SUMF1: variants seen among roughly 807,000 people sequenced by gnomAD.
SUMF1 encodes the protein sulfatase modifying factor 1.
A neutral mutation model predicts 47.6 loss-of-function variants in SUMF1; 48 were observed. That is an observed-to-expected ratio of 1.01 (90% CI 0.80 to 1.28). SUMF1 has a LOEUF of 1.28. Among genes scored for constraint, SUMF1 ranks in the 50% most tolerant of loss-of-function variants. The pLI, the probability that SUMF1 is intolerant of heterozygous loss-of-function variation, is 0.00. For missense variants in SUMF1, 571 were observed against 485.4 expected, an observed-to-expected ratio of 1.18 and a Z score of -1.66; for synonymous variants, 230 against 192.1, an observed-to-expected ratio of 1.20 and a Z score of -1.63.
intron 8 of SUMF1, among the ~76,000 whole-genome samples, chr3:4,327,011 C>T (rs1404199012): frequency 2.0e-5 from 3 of 152,090 alleles, no homozygotes; most frequent in African/African-American, 7.2e-5. Flanking sequence ...GTTAAGAATA[C>T]TTACAAATAG....
At chr3:4,392,741 G>C (rs1200527449) in intron 7 of SUMF1, among the ~76,000 whole-genome samples, 1 of 150,390 alleles carries the variant, frequency 6.6e-6, no homozygotes, top group Non-Finnish European at 1.5e-5. Flanking sequence ...TTTTTGTTCT[G>C]TTTTGTTTTG....
At chr3:4,262,724 C>T (rs1697112735) in intron 8 of SUMF1, among the ~76,000 whole-genome samples, 1 of 152,170 alleles carries the variant, frequency 6.6e-6, no homozygotes, top group Non-Finnish European at 1.5e-5. Flanking sequence ...TCCCAAAAGC[C>T]TGGCTGACCA....
At chr3:4,156,044 C>T (rs1694445548) in intron 8 of SUMF1, among the ~76,000 whole-genome samples, 1 of 151,442 alleles carries the variant, frequency 6.6e-6, no homozygotes, top group Non-Finnish European at 1.5e-5. Flanking sequence ...AAACCTTGCA[C>T]ACCAGAGTAC....
At chr3:4,144,681 G>T (rs1243101745) in intron 8 of SUMF1, among the ~76,000 whole-genome samples, 5 of 152,054 alleles carry the variant, frequency 3.3e-5, no homozygotes, top group Admixed American at 3.3e-4. Flanking sequence ...TCTGAGACTT[G>T]TAACTAATAT....
chr3:4,298,192 C>T (rs1187163974), intron 8 of SUMF1, among the ~76,000 whole-genome samples: 2 of 152,028 alleles, frequency 1.3e-5, no homozygotes, highest in Admixed American at 6.6e-5. Flanking sequence ...TACATTTTTC[C>T]CCACCATCTA....
intron 8 of SUMF1, among the ~76,000 whole-genome samples, chr3:4,234,197 C>T (rs1025489406): frequency 1.3e-5 from 2 of 151,960 alleles, no homozygotes; most frequent in African/African-American, 4.8e-5. Context: ...CTTTCTGACC[C>T]TCTGTTTCCT....
intron 8 of SUMF1, among the ~76,000 whole-genome samples, chr3:4,178,120 G>A (rs576667763): frequency 2.0e-5 from 3 of 152,152 alleles, no homozygotes; most frequent in Non-Finnish European, 4.4e-5. Flanking sequence ...GTACAAAGAG[G>A]AGTTAGTACC....
chr3:4,410,859 A>G lies in SUMF1; in HGVS notation c.954+6T>C. 1 of 1,612,928 alleles carries G rather than the reference A, an allele frequency of 6.2e-7. No individual in the cohort carries two copies. The highest frequency in any genetic ancestry group is 8.5e-7 in the Non-Finnish European group (1 of 1,178,940). ...CCAAGACACATGCTCTGTGAATAAT[A>G]CTCACTGGGTTAAGCGTTTCTTCAA... On this transcript the variant is annotated splice_donor_region_variant and intron_variant, in intron 7 of 8. Transcript: ENST00000272902.
intron 8 of SUMF1, among the ~76,000 whole-genome samples, chr3:4,350,607 T>C (rs1239382006): frequency 1.3e-5 from 2 of 151,986 alleles, no homozygotes; most frequent in East Asian, 3.9e-4. Flanking sequence ...CTCTGATAAC[T>C]AAAAAATAAT....
intron 8 of SUMF1, among the ~76,000 whole-genome samples, chr3:4,140,862 C>T (rs1694054742): frequency 6.6e-6 from 1 of 151,928 alleles, no homozygotes; most frequent in Non-Finnish European, 1.5e-5. Context: ...AAATAAACCT[C>T]TCAAGGAATT....
intron 8 of SUMF1, among the ~76,000 whole-genome samples, chr3:4,285,119 T>C: frequency 6.6e-6 from 1 of 152,196 alleles, no homozygotes; most frequent in East Asian, 1.9e-4. Flanking sequence ...GGCAGCTGCA[T>C]TATCTCTTTC....
intron 8 of SUMF1, among the ~76,000 whole-genome samples, chr3:4,310,663 G>A (rs1698369048): frequency 6.6e-6 from 1 of 152,102 alleles, no homozygotes; most frequent in Non-Finnish European, 1.5e-5. Flanking sequence ...TATATCATGA[G>A]ATTCTTCAAA....
At chr3:4,100,972 A>C (rs1332508490) in intron 8 of SUMF1, among the ~76,000 whole-genome samples, 1 of 152,126 alleles carries the variant, frequency 6.6e-6, no homozygotes, top group Non-Finnish European at 1.5e-5. Context: ...CACATCTGTT[A>C]GATAAGCTAT....
At chr3:4,149,727 G>C (rs1559512460) in intron 8 of SUMF1, among the ~76,000 whole-genome samples, 1 of 152,128 alleles carries the variant, frequency 6.6e-6, no homozygotes, top group Non-Finnish European at 1.5e-5. Flanking sequence ...ATTGCAATTT[G>C]GGGTGAGGAA....
chr3:4,379,545 G>A (rs1370590099), intron 7 of SUMF1, among the ~76,000 whole-genome samples: 1 of 152,200 alleles, frequency 6.6e-6, no homozygotes, highest in East Asian at 1.9e-4. Flanking sequence ...AACTGTGAGA[G>A]GATAAATTTC....
At chr3:4,126,881 C>T (rs1344189797) in intron 8 of SUMF1, among the ~76,000 whole-genome samples, 1 of 152,160 alleles carries the variant, frequency 6.6e-6, no homozygotes, top group East Asian at 1.9e-4. Context: ...CTAATGTGTA[C>T]TCAAACTTAA....
chr3:4,167,585 G>T lies in SUMF1; in HGVS notation c.1015-98840C>A, dbSNP rs561530435. On this transcript the variant is annotated intron_variant and NMD_transcript_variant, in intron 8 of 12. Coordinates refer to the SUMF1 transcript ENST00000448413. ...GGTGCATTTTACAAACCTCTTGCTAGCTACAGAGCGCTGATTGGTGCATTT... is the reference window on the plus strand; with the variant it reads ...GGTGCATTTTACAAACCTCTTGCTATCTACAGAGCGCTGATTGGTGCATTT... 8.5e-5 allele frequency among the ~76,000 whole-genome samples: 13 copies of T among 152,190 alleles called. No homozygotes were observed. The South Asian group carries it at 2.5e-3, about 29-fold the overall frequency.
At chr3:4,136,151 A>G (rs2125091778) in intron 8 of SUMF1, among the ~76,000 whole-genome samples, 1 of 152,306 alleles carries the variant, frequency 6.6e-6, no homozygotes, top group African/African-American at 2.4e-5. Context: ...GAACCAAAAA[A>G]GAGCCTGCAT....
At chr3:4,330,195 A>T (rs906192430) in intron 8 of SUMF1, among the ~76,000 whole-genome samples, 1 of 152,060 alleles carries the variant, frequency 6.6e-6, no homozygotes, top group African/African-American at 2.4e-5. Context: ...CTTTCTTCTG[A>T]CCTCTCCAAA....
Sources: gnomAD v4.1 joint callset for allele counts (sites outside exome capture counted in the v4.1 genomes callset) on GRCh38, gnomAD v4.1.1 for gene constraint, MANE v1.5 for transcripts, NCBI Gene and HGNC (gene_info 2026-07-23, HGNC 2026-07-21) for gene names.